Variants in RNF26 observed in about 807,000 individuals in gnomAD.
The protein encoded by RNF26 is E3 ubiquitin-protein ligase RNF26.
A neutral mutation model predicts 25.4 loss-of-function variants in RNF26; 8 were observed. The observed-to-expected ratio is 0.31, with a 90% confidence interval of 0.18 to 0.57. The LOEUF (loss-of-function observed/expected upper bound fraction) is 0.57. Among genes scored for constraint, RNF26 ranks in the 20% least tolerant of loss-of-function variants. The pLI, the probability that RNF26 is intolerant of heterozygous loss-of-function variation, is 0.90. For synonymous variants in RNF26, 262 were observed against 246.7 expected (o/e 1.06, Z -0.58); for missense variants, 470 against 552.0 (o/e 0.85, Z 1.49).
In RNF26 at chr11:119,335,330, G is replaced by A. The variant is rs922686448; in HGVS notation, c.208G>A (p.Glu70Lys). 1 of 1,614,170 alleles carries A rather than the reference G, an allele frequency of 6.2e-7. No homozygotes were observed. Among genetic ancestry groups the A allele is most frequent in the Non-Finnish European group, 8.5e-7 (1 of 1,180,034 alleles). The change falls in exon 1 of 1, where the codon GAA becomes AAA. Residue 70 changes from glutamate to lysine, a missense_variant. By Grantham distance (56) the Glu-to-Lys change is moderately conservative. Coordinates refer to ENST00000311413, the MANE Select transcript of RNF26 (RefSeq NM_032015.5). ...CTTGCTTTCATTGCTGGCCTTGATC[G>A]AAGCCGTGGTCCGGTTCACATGTGG... The part of the protein sequence containing the change: ...GVLLSLLALI[E>K]AVVRFTCGGL...
Position 119,335,673 on chromosome 11 carries a change from T to G in RNF26, c.551T>G (p.Val184Gly). The stretch of plus-strand genomic sequence containing the variant: ...CCTCTGTGGAGGATGACGGACGTAG[T>G]GGCTGCCTTCCTAGCCCACATTTCC... ...TGPLWRMTDVVAAFLAHISSS... is the reference protein window; with the variant it reads ...TGPLWRMTDVGAAFLAHISSS... The change falls in exon 1 of 1, where the codon GTG becomes GGG. Residue 184 changes from valine to glycine, a missense_variant. Physicochemically the swap from Val to Gly is moderately radical, Grantham distance 109. Coordinates refer to ENST00000311413, the MANE Select transcript of RNF26 (RefSeq NM_032015.5). The G allele has an allele frequency of 6.2e-7, 1 of 1,614,118 alleles. No homozygotes were observed. The highest frequency in any genetic ancestry group is 8.5e-7 in the Non-Finnish European group (1 of 1,179,972).
chr11:119,336,770 A>T lies in RNF26; in HGVS notation c.*346A>T. 3.2e-6 allele frequency: 1 copy of T among 314,588 alleles called. No homozygotes were observed. 19.5% of individuals were successfully genotyped at this position (314,588 alleles called of 1,614,324 possible). A position where few individuals can be genotyped will look rare whatever the true frequency, so the allele number is the denominator to read the frequency against. On this transcript the variant is annotated 3_prime_UTR_variant, in exon 1 of 1. Transcript: ENST00000311413. Reference sequence around the variant, plus strand: ...CTTCTGGTTTTTCTGTTGGAGATCTATAGGTCCTTTTCCTGCCTCCTTCAC... The same window carrying T: ...CTTCTGGTTTTTCTGTTGGAGATCTTTAGGTCCTTTTCCTGCCTCCTTCAC...
In RNF26 at chr11:119,336,330, C is replaced by T; in HGVS notation, c.1208C>T (p.Ala403Val). The T allele has an allele frequency of 1.2e-6, 2 of 1,612,880 alleles. No homozygotes were observed. The highest frequency in any genetic ancestry group is 1.3e-5 in the African/African-American group (1 of 75,060). Residue 403 changes from alanine to valine, a missense_variant, in exon 1 of 1, where the codon GCC becomes GTC. Coordinates refer to ENST00000311413, the MANE Select transcript of RNF26 (RefSeq NM_032015.5). The part of the protein sequence containing the change: ...LPCRHLCLCQ[A>V]CTEILMRHPV... ...TGCCGGCATCTGTGCCTGTGCCAGGCCTGCACTGAAATCCTGATGCGCCAC... is the reference window on the plus strand; with the variant it reads ...TGCCGGCATCTGTGCCTGTGCCAGGTCTGCACTGAAATCCTGATGCGCCAC...
Position 119,336,343 on chromosome 11 carries a change from C to A in RNF26, c.1221C>A (p.Ile407=). ...HLCLCQACTE[I]LMRHPVYHRN... The stretch of plus-strand genomic sequence containing the variant: ...GCCTGTGCCAGGCCTGCACTGAAAT[C>A]CTGATGCGCCACCCCGTCTACCACC... Residue 407 remains isoleucine (I), a synonymous_variant, in exon 1 of 1, where the codon ATC becomes ATA. Transcript: ENST00000311413. The A allele has an allele frequency of 6.2e-7, 1 of 1,612,490 alleles. No individual in the cohort carries two copies. Among genetic ancestry groups the A allele is most frequent in the Non-Finnish European group, 8.5e-7 (1 of 1,180,008 alleles).
rs758346103 is a variant in RNF26, at chr11:119,335,723, C to T, written c.601C>T (p.Leu201Phe). Residue 201 changes from leucine (L) to phenylalanine (F), a missense_variant, in exon 1 of 1, where the codon CTC becomes TTC. Coordinates refer to ENST00000311413, the MANE Select transcript of RNF26 (RefSeq NM_032015.5). ...CAGCAGTGCTGTGGCCATGGCCATC[C>T]TCCTTTGGACACCCTGCCAACTAGC... ...ISSSAVAMAILLWTPCQLALE... is the reference protein window; with the variant it reads ...ISSSAVAMAIFLWTPCQLALE... The T allele has an allele frequency of 6.2e-7, 1 of 1,614,216 alleles. No individual in the cohort carries two copies. Among genetic ancestry groups the T allele is most frequent in the Non-Finnish European group, 8.5e-7 (1 of 1,180,040 alleles).
Position 119,337,127 on chromosome 11 carries a change from C to T in RNF26, c.*703C>T, listed in dbSNP as rs979134274. ...GGGATAACCGGATTTCTGCTCTTTC[C>T]CCTGTCACTCCCACATCACACAGAA... On this transcript the variant is annotated 3_prime_UTR_variant, in exon 1 of 1. Coordinates refer to ENST00000311413, the MANE Select transcript of RNF26 (RefSeq NM_032015.5). The T allele has an allele frequency of 1.2e-5, 2 of 169,420 alleles. No homozygotes were observed. The highest frequency in any genetic ancestry group is 2.9e-5 in the Non-Finnish European group (2 of 68,424). The allele number at this position is 169,420 out of a possible 1,614,324, so 10.5% of individuals were successfully genotyped here.
chr11:119,335,703 G>A lies in RNF26; in HGVS notation c.581G>A (p.Ser194Asn), dbSNP rs767824280. The stretch of plus-strand genomic sequence containing the variant: ...GCCTTCCTAGCCCACATTTCCAGCA[G>A]TGCTGTGGCCATGGCCATCCTCCTT... ...VAAFLAHISS[S>N]AVAMAILLWT... Residue 194 changes from serine (S) to asparagine (N), a missense_variant, in exon 1 of 1, where the codon AGT becomes AAT. By Grantham distance (46) the Ser-to-Asn change is conservative (BLOSUM62 1). Transcript: ENST00000311413. The A allele has an allele frequency of 3.7e-6, 6 of 1,614,222 alleles. No individual in the cohort carries two copies. In the Admixed American group the frequency reaches 1.0e-4, roughly 27 times the overall value.
At position 119,336,108 on chromosome 11, in the gene RNF26, C is replaced by T. The variant is rs1950439781; in HGVS notation, c.986C>T (p.Pro329Leu). Residue 329 changes from proline (P) to leucine (L), a missense_variant, in exon 1 of 1, where the codon CCT becomes CTT. By Grantham distance (98) the Pro-to-Leu change is moderately conservative (BLOSUM62 -3). Transcript: ENST00000311413. ...SVRTRRQDTL[P>L]EAGRRSEAEE... ...AGGACCCGGAGACAGGACACTCTTC[C>T]TGAAGCGGGGCGCAGATCAGAGGCA... The T allele has an allele frequency of 6.2e-7, 1 of 1,614,156 alleles. No individual in the cohort carries two copies. The highest frequency in any genetic ancestry group is 1.1e-5 in the South Asian group (1 of 91,086).
rs759610719 is a variant in RNF26 at position 119,334,684 on chromosome 11, C to A, written c.-439C>A. 106 of 182,316 alleles carry A rather than the reference C, an allele frequency of 5.8e-4. 1 individual carries two copies. Among genetic ancestry groups the A allele is most frequent in the Non-Finnish European group, 6.6e-4 (56 of 84,556 alleles). 11.3% of individuals were successfully genotyped at this position (182,316 alleles called of 1,614,324 possible). On this transcript the variant is annotated 5_prime_UTR_variant, in exon 1 of 1. Transcript: ENST00000311413. Reference sequence around the variant, plus strand: ...CCTGCGTAGCTGGACTGAGAGCCTGCGCCCAGCTTACATCGACCCCACCCG... The same window carrying A: ...CCTGCGTAGCTGGACTGAGAGCCTGAGCCCAGCTTACATCGACCCCACCCG...
rs759389124 is a variant in RNF26, at chr11:119,335,669, G to A, written c.547G>A (p.Val183Ile). The A allele has an allele frequency of 2.5e-6, 4 of 1,614,112 alleles. No individual in the cohort carries two copies. Among genetic ancestry groups the A allele is most frequent in the Admixed American group, 1.7e-5 (1 of 60,022 alleles). ...VTGPLWRMTD[V>I]VAAFLAHISS... ...CGGGCCTCTGTGGAGGATGACGGAC[G>A]TAGTGGCTGCCTTCCTAGCCCACAT... Residue 183 changes from valine to isoleucine, a missense_variant, in exon 1 of 1, where the codon GTA becomes ATA. Transcript: ENST00000311413.
rs775047373 is a variant in RNF26, at chr11:119,335,785, C to A, written c.663C>A (p.Ala221=). 1 of 1,613,978 alleles carries A rather than the reference C, an allele frequency of 6.2e-7. No homozygotes were observed. Among genetic ancestry groups the A allele is most frequent in the South Asian group, 1.1e-5 (1 of 91,088 alleles). The change falls in exon 1 of 1, where the codon GCC becomes GCA. Residue 221 remains alanine (A), a synonymous_variant. Transcript: ENST00000311413. ...TGGCCTCAGCTGCCCGCCTCCTGGC[C>A]AGCTTTGTGCTTGTCAATCTCACTG... ...ELLASAARLL[A]SFVLVNLTGL... is the part of the protein sequence containing the mutation.
In RNF26 at chr11:119,336,025, A is replaced by T; in HGVS notation, c.903A>T (p.Pro301=). ...GCAGTCTGCAGCTGGCGAGTTGGCC[A>T]AACCGGGGAGGGGCACCTGGAGCTC... is the stretch of plus-strand genomic sequence containing the variant. The part of the protein sequence containing the change: ...WSRSLQLASW[P]NRGGAPGAPQ... The change falls in exon 1 of 1, where the codon CCA becomes CCT. Residue 301 remains proline (P), a synonymous_variant. Coordinates refer to ENST00000311413, the MANE Select transcript of RNF26 (RefSeq NM_032015.5). The T allele has an allele frequency of 6.2e-7, 1 of 1,613,620 alleles. No individual in the cohort carries two copies. The highest frequency in any genetic ancestry group is 8.5e-7 in the Non-Finnish European group (1 of 1,179,988).
At position 119,334,945 on chromosome 11, in the gene RNF26, T is replaced by C. The variant is rs932003777; in HGVS notation, c.-178T>C. On this transcript the variant is annotated 5_prime_UTR_variant, in exon 1 of 1. Transcript: ENST00000311413. The stretch of plus-strand genomic sequence containing the variant: ...ACTGGCACCTGGCCACCTTTCCCTC[T>C]ACCAAGACTCCACTTCCGTCTTACC... The C allele has an allele frequency of 8.3e-6, 5 of 605,002 alleles. No individual in the cohort carries two copies. In the African/African-American group the frequency reaches 9.3e-5, roughly 11 times the overall value. The allele number at this position is 605,002 out of a possible 1,614,324, so 37.5% of individuals were successfully genotyped here.
In RNF26 at chr11:119,335,176, G is replaced by A. The variant is rs1950432819; in HGVS notation, c.54G>A (p.Leu18=). The stretch of plus-strand genomic sequence containing the variant: ...GGTTGGGCCTGGTGCTGGACGTGCT[G>A]ACCTTGGTGTTGGACCTCAACTTCC... ...VNGLGLVLDV[L]TLVLDLNFLL... The change falls in exon 1 of 1, where the codon CTG becomes CTA. Residue 18 remains leucine (L), a synonymous_variant. Transcript: ENST00000311413. 1.2e-6 allele frequency: 2 copies of A among 1,614,184 alleles called. No homozygotes were observed. The highest frequency in any genetic ancestry group is 1.7e-6 in the Non-Finnish European group (2 of 1,180,026).
rs771769932 is a variant in RNF26 at position 119,336,475 on chromosome 11, G to A, written c.*51G>A. 26 of 1,508,390 alleles carry A rather than the reference G, an allele frequency of 1.7e-5. No homozygotes were observed. The highest frequency in any genetic ancestry group is 1.1e-4 in the African/African-American group (8 of 72,810). The allele number at this position is 1,508,390 out of a possible 1,614,324, so 93.4% of individuals were successfully genotyped here. A position where few individuals can be genotyped will look rare whatever the true frequency, so the allele number is the denominator to read the frequency against. On this transcript the variant is annotated 3_prime_UTR_variant, in exon 1 of 1. Transcript: ENST00000311413. ...CTCCATGCTCCACGCAGGCACTCAC[G>A]CTAGGACAGCATTAACACCTCATCT...
chr11:119,334,876 C>A lies in RNF26; in HGVS notation c.-247C>A. The A allele has an allele frequency of 1.8e-6, 1 of 569,442 alleles. No homozygotes were observed. Among genetic ancestry groups the A allele is most frequent in the Non-Finnish European group, 3.1e-6 (1 of 319,702 alleles). The allele number at this position is 569,442 out of a possible 1,614,324, so 35.3% of individuals were successfully genotyped here. On this transcript the variant is annotated 5_prime_UTR_variant, in exon 1 of 1. Coordinates refer to ENST00000311413, the MANE Select transcript of RNF26 (RefSeq NM_032015.5). ...CGCCTTCGCTTTAGAGATGTTTGGC[C>A]TCTTCCCTCCCAAACAGCCCATCTT...
rs990915196 is a variant in RNF26 at position 119,334,601 on chromosome 11, C to T, written c.-522C>T. ...TGAAGCTGGCTGCCTCTCCCACTCCCCTTTTGGGTGCAAAGCGCCGCTAGC... is the reference window on the plus strand; with the variant it reads ...TGAAGCTGGCTGCCTCTCCCACTCCTCTTTTGGGTGCAAAGCGCCGCTAGC... On this transcript the variant is annotated 5_prime_UTR_variant, in exon 1 of 1. Coordinates refer to ENST00000311413, the MANE Select transcript of RNF26 (RefSeq NM_032015.5). The T allele has an allele frequency of 6.0e-6, 1 of 165,806 alleles. No individual in the cohort carries two copies. The highest frequency in any genetic ancestry group is 2.4e-5 in the African/African-American group (1 of 41,614). The allele number at this position is 165,806 out of a possible 1,614,324, so 10.3% of individuals were successfully genotyped here.
Position 119,336,503 on chromosome 11 carries a change from G to T in RNF26, c.*79G>T. On this transcript the variant is annotated 3_prime_UTR_variant, in exon 1 of 1. Transcript: ENST00000311413. ...AGGACAGCATTAACACCTCATCTCC[G>T]GGTCCTGGTCTGAATCCCCTCCTAC... 1 of 1,308,174 alleles carries T rather than the reference G, an allele frequency of 7.6e-7. No individual in the cohort carries two copies. Among genetic ancestry groups the T allele is most frequent in the Non-Finnish European group, 1.1e-6 (1 of 932,794 alleles). The allele number at this position is 1,308,174 out of a possible 1,614,324, so 81.0% of individuals were successfully genotyped here.
chr11:119,336,508 C>G lies in RNF26; in HGVS notation c.*84C>G, dbSNP rs1459208769. The G allele has an allele frequency of 4.0e-6, 5 of 1,253,812 alleles. No homozygotes were observed. Among genetic ancestry groups the G allele is most frequent in the Non-Finnish European group, 5.6e-6 (5 of 887,142 alleles). 77.7% of individuals were successfully genotyped at this position (1,253,812 alleles called of 1,614,324 possible). A position where few individuals can be genotyped will look rare whatever the true frequency, so the allele number is the denominator to read the frequency against. On this transcript the variant is annotated 3_prime_UTR_variant, in exon 1 of 1. Coordinates refer to ENST00000311413, the MANE Select transcript of RNF26 (RefSeq NM_032015.5). ...AGCATTAACACCTCATCTCCGGGTC[C>G]TGGTCTGAATCCCCTCCTACCCCTG...
Sources: allele counts gnomAD v4.1 joint callset, GRCh38; gene constraint gnomAD v4.1.1; transcripts MANE v1.5; gene names NCBI Gene and HGNC (gene_info 2026-07-23, HGNC 2026-07-21).